The following KCNN2 variants were observed in gnomAD, a reference collection of about 807,000 sequenced individuals.
KCNN2 encodes the protein small conductance calcium-activated potassium channel protein 2.
A neutral mutation model predicts 55.5 loss-of-function variants in KCNN2; 24 were observed. The observed-to-expected ratio is 0.43, with a 90% CI of 0.31 to 0.61. The LOEUF (loss-of-function observed/expected upper bound fraction) is 0.61, where lower values mean the gene tolerates loss of function less well. Ranked by LOEUF, KCNN2 falls within the 20% of genes least tolerant of loss-of-function variation. KCNN2 has a pLI of 0.08. For missense variants in KCNN2, 754 were observed against 853.6 expected, an observed-to-expected ratio of 0.88 and a Z score of 1.45; for synonymous variants, 431 against 336.1, an observed-to-expected ratio of 1.28 and a Z score of -3.09.
chr5:114,216,791 G>A (rs1013044114), intron 1 of KCNN2, among the ~76,000 whole-genome samples: 7 of 152,088 alleles, frequency 4.6e-5, no homozygotes, highest in Non-Finnish European at 1.0e-4. Flanking sequence ...AAGAAAGGCA[G>A]TAAAAAGTAT....
chr5:114,156,280 T>C (rs1037632870), intron 1 of KCNN2, among the ~76,000 whole-genome samples: 3 of 152,208 alleles, frequency 2.0e-5, no homozygotes, highest in African/African-American at 4.8e-5. Flanking sequence ...TTTTGGTTAC[T>C]GTAGCCCTGT....
intron 3 of KCNN2, among the ~76,000 whole-genome samples, chr5:114,423,266 AT>A (rs1218926363): frequency 6.6e-6 from 1 of 152,122 alleles, no homozygotes; most frequent in Admixed American, 6.5e-5. Context: ...TATTTTGCTG[AT>A]TTTTAAGGTT....
chr5:114,328,133 T>A (rs1172262789), intron 2 of KCNN2, among the ~76,000 whole-genome samples: 3 of 152,190 alleles, frequency 2.0e-5, no homozygotes, highest in Non-Finnish European at 4.4e-5. Flanking sequence ...AAAAGTCAAT[T>A]TATGCGTGGG....
intron 1 of KCNN2, among the ~76,000 whole-genome samples, chr5:114,062,022 A>G (rs374695613): frequency 6.6e-6 from 1 of 152,166 alleles, no homozygotes. Flanking sequence ...CATTTATCAA[A>G]TATTTAGACA....
chr5:114,204,701 A>G (rs1036427763), intron 1 of KCNN2, among the ~76,000 whole-genome samples: 1 of 152,210 alleles, frequency 6.6e-6, no homozygotes, highest in Non-Finnish European at 1.5e-5. Context: ...GTGTCACATT[A>G]TGGTGACACC....
intron 2 of KCNN2, 118 bp from the exon 3 acceptor site, chr5:114,404,320 T>C (rs1020679451): frequency 2.7e-6 from 2 of 741,684 alleles, no homozygotes; most frequent in Non-Finnish European, 4.4e-6. Context: ...TTAAAAGTTA[T>C]AACCTTTAGC....
At chr5:114,454,699 C>G (rs543050441) in intron 3 of KCNN2, among the ~76,000 whole-genome samples, 1 of 152,314 alleles carries the variant, frequency 6.6e-6, no homozygotes, top group African/African-American at 2.4e-5. Context: ...CAGTGTATCC[C>G]CAGAGAATGA....
chr5:114,406,811 A>G (rs1758950632), intron 3 of KCNN2, among the ~76,000 whole-genome samples: 1 of 151,534 alleles, frequency 6.6e-6, no homozygotes, highest in Non-Finnish European at 1.5e-5. Flanking sequence ...TTCGTTCTTT[A>G]TTTTGGTGGA....
At chr5:114,142,804 A>G (rs750062937) in intron 1 of KCNN2, among the ~76,000 whole-genome samples, 14 of 152,226 alleles carry the variant, frequency 9.2e-5, no homozygotes, top group Admixed American at 2.0e-4. Context: ...TGTAATTTAT[A>G]GATTTAATGC....
chr5:114,438,031 T>C (rs1267310207), intron 3 of KCNN2, among the ~76,000 whole-genome samples: 1 of 152,164 alleles, frequency 6.6e-6, no homozygotes, highest in Admixed American at 6.5e-5. Context: ...TACACCAATC[T>C]GTTAATATAA....
chr5:114,332,750 G>A (rs941614711), intron 2 of KCNN2, among the ~76,000 whole-genome samples: 2 of 152,188 alleles, frequency 1.3e-5, no homozygotes, highest in African/African-American at 4.8e-5. Context: ...CTGAAAGCCA[G>A]GGAGGGGAGC....
intron 2 of KCNN2, among the ~76,000 whole-genome samples, chr5:114,300,425 G>A (rs1993516): frequency 6.6e-6 from 1 of 151,942 alleles, no homozygotes; most frequent in African/African-American, 2.4e-5. Flanking sequence ...AATTACATTG[G>A]AGAATATTTC....
chr5:114,448,292 T>C (rs2169095), intron 3 of KCNN2, among the ~76,000 whole-genome samples: 26,853 of 152,132 alleles, frequency 0.18, 2,724 homozygotes, highest in Middle Eastern at 0.25. Flanking sequence ...CAGTTCCAGA[T>C]CTCTACAAGG....
intron 2 of KCNN2, among the ~76,000 whole-genome samples, chr5:114,250,845 A>C (rs1201118533): frequency 6.6e-6 from 1 of 152,156 alleles, no homozygotes; most frequent in Non-Finnish European, 1.5e-5. Context: ...CTCTCCGGCC[A>C]TCCATAGACC....
At chr5:114,452,279 T>C (rs1760727621) in intron 3 of KCNN2, among the ~76,000 whole-genome samples, 1 of 152,190 alleles carries the variant, frequency 6.6e-6, no homozygotes, top group South Asian at 2.1e-4. Flanking sequence ...TACATTTTAT[T>C]TGAATTTAGA....
At chr5:114,266,023 C>G (rs1015479182) in intron 2 of KCNN2, among the ~76,000 whole-genome samples, 1 of 151,792 alleles carries the variant, frequency 6.6e-6, no homozygotes, top group Admixed American at 6.6e-5. Context: ...ATGTTAGTAG[C>G]CACATTTAAA....
intron 2 of KCNN2, among the ~76,000 whole-genome samples, chr5:114,267,761 A>G (rs1755238812): frequency 6.6e-6 from 1 of 152,172 alleles, no homozygotes; most frequent in Admixed American, 6.5e-5. Flanking sequence ...GAAGAGGAAA[A>G]ATAATTTCAT....
At chr5:114,163,645 G>A (rs1752844893) in intron 1 of KCNN2, among the ~76,000 whole-genome samples, 1 of 152,008 alleles carries the variant, frequency 6.6e-6, no homozygotes, top group Non-Finnish European at 1.5e-5. Context: ...CTTTATGCAG[G>A]GCATTAGGTA....
rs1753251279 is a variant in KCNN2, at chr5:114,182,075, A to G, written c.-270-39405A>G. On this transcript the variant is annotated intron_variant, in intron 1 of 10. Transcript: ENST00000512097. ...GGTTAGATTTGATATTTTTAAAAAT[A>G]TGGATATCCATTTATTTCAGGACTC... 4.6e-5 allele frequency among the ~76,000 whole-genome samples: 7 copies of G among 152,298 alleles called. No homozygotes were observed. In the South Asian group the frequency reaches 1.4e-3, roughly 32 times the overall value.
Sources: gnomAD v4.1 joint callset for allele counts (sites outside exome capture counted in the v4.1 genomes callset) on GRCh38, gnomAD v4.1.1 for gene constraint, MANE v1.5 for transcripts, NCBI Gene and HGNC (gene_info 2026-07-23, HGNC 2026-07-21) for gene names.